The following RSPO4 variants were observed in gnomAD, a reference collection of about 807,000 sequenced individuals.
RSPO4 encodes R-spondin 4.
A neutral mutation model predicts 24.8 loss-of-function variants in RSPO4; 23 were observed. The ratio of observed to expected loss-of-function variants is 0.93; its 90% CI spans 0.67 to 1.31. The LOEUF is 1.31. Ranked by LOEUF, RSPO4 falls within the 40% of genes most tolerant of loss-of-function variation. RSPO4 has a pLI of 0.00. For synonymous variants in RSPO4, 141 were observed against 127.4 expected (o/e 1.11, Z -0.72); for missense variants, 333 against 316.5 (o/e 1.05, Z -0.39).
At chr20:1,000,466 T>C (rs1485214977) in intron 1 of RSPO4, among the ~76,000 whole-genome samples, 1 of 152,198 alleles carries the variant, frequency 6.6e-6, no homozygotes, top group Non-Finnish European at 1.5e-5. Context: ...CCTGTGTCCT[T>C]AGCTACTCAT....
rs918104535 is a variant in RSPO4, at chr20:959,413, C to G, written c.*944G>C. The G allele has an allele frequency of 6.6e-6, 1 of 152,462 alleles. No homozygotes were observed. Among genetic ancestry groups the G allele is most frequent in the African/African-American group, 2.4e-5 (1 of 41,460 alleles). The allele number at this position is 152,462 out of a possible 1,614,324, so 9.4% of individuals were successfully genotyped here. ...CCCTTCCTTCTCAGACCTGTTTCCC[C>G]ACATGGGCAGGAAGCGCTGAGGTGG... On this transcript the variant is annotated 3_prime_UTR_variant, in exon 5 of 5. Transcript: ENST00000217260.
intron 1 of RSPO4, among the ~76,000 whole-genome samples, chr20:994,806 T>C (rs1985221972): frequency 1.3e-5 from 2 of 152,274 alleles, no homozygotes; most frequent in South Asian, 4.2e-4. Context: ...TCAGGTGATC[T>C]GCCTGCCTCA....
intron 1 of RSPO4, among the ~76,000 whole-genome samples, chr20:989,578 G>A (rs1985031651): frequency 6.6e-6 from 1 of 152,160 alleles, no homozygotes; most frequent in East Asian, 1.9e-4. Flanking sequence ...TGCATGGTGG[G>A]GGTGGCAGGA....
chr20:993,353 G>A (rs1045209265), intron 1 of RSPO4, among the ~76,000 whole-genome samples: 1 of 152,242 alleles, frequency 6.6e-6, no homozygotes, highest in Non-Finnish European at 1.5e-5. Context: ...CCCATCCGGA[G>A]ATGGGAAGCA....
chr20:968,427 C>T (rs549612414), intron 1 of RSPO4, among the ~76,000 whole-genome samples: 34 of 152,294 alleles, frequency 2.2e-4, no homozygotes, highest in Non-Finnish European at 4.0e-4. Flanking sequence ...GGAATGTGAA[C>T]GATGGCTGGA....
chr20:983,537 C>T (rs546013992), intron 1 of RSPO4, among the ~76,000 whole-genome samples: 15 of 152,138 alleles, frequency 9.9e-5, no homozygotes, highest in African/African-American at 2.7e-4. Context: ...CCCTAAGGAA[C>T]CTTTGAACCC....
intron 1 of RSPO4, among the ~76,000 whole-genome samples, chr20:972,345 C>A (rs930712640): frequency 6.6e-6 from 1 of 152,238 alleles, no homozygotes; most frequent in Non-Finnish European, 1.5e-5. Context: ...GGATTACAGG[C>A]CTGAGCCACA....
At chr20:984,645 C>A (rs1369406622) in intron 1 of RSPO4, among the ~76,000 whole-genome samples, 2 of 152,174 alleles carry the variant, frequency 1.3e-5, no homozygotes, top group Non-Finnish European at 2.9e-5. Flanking sequence ...CTTCAAGGAC[C>A]CTATTCTGGG....
chr20:990,493 CCCTCCTTCTTTCCTT>C (rs2122261149), intron 1 of RSPO4, among the ~76,000 whole-genome samples: 1 of 150,004 alleles, frequency 6.7e-6, no homozygotes, highest in African/African-American at 2.5e-5. Context: ...TTCCTTCCTT[CCCTCCTTCTTTCCTT>C]CCTCCCTCCC....
chr20:983,217 T>C (rs927473960), intron 1 of RSPO4, among the ~76,000 whole-genome samples: 10 of 152,244 alleles, frequency 6.6e-5, no homozygotes, highest in Admixed American at 2.6e-4. Flanking sequence ...TGTCCCACCT[T>C]GGACTCAGAC....
At chr20:967,912 G>A (rs770636854) in intron 2 of RSPO4, 38 bp downstream of exon 2, 9 of 1,591,016 alleles carry the variant, frequency 5.7e-6, no homozygotes, top group South Asian at 1.1e-5. Flanking sequence ...GTGTCTAGGA[G>A]CCCAGCACTA....
At chr20:974,233 G>A (rs6140830) in intron 1 of RSPO4, among the ~76,000 whole-genome samples, 9,224 of 152,282 alleles carry the variant, frequency 0.061, 341 homozygotes, top group East Asian at 0.14. Context: ...ACAGAATTTT[G>A]GAAGTGTCTT....
At position 967,309 on chromosome 20, in the gene RSPO4, C is replaced by T. The variant is rs1455699389; in HGVS notation, c.274G>A (p.Gly92Arg). The change falls in exon 3 of 5, where the codon GGG becomes AGG. Residue 92 changes from glycine (G) to arginine (R), a missense_variant. Coordinates refer to ENST00000217260, the MANE Select transcript of RSPO4 (RefSeq NM_001029871.4). ...CTGAAGCAGCTCTCACAAGTGGCCC[C>T]ACATTCTGTAATAGAGCCAGGGACA... ...GQEVNRCKKC[G>R]ATCESCFSQD... is the part of the protein sequence containing the mutation. The T allele has an allele frequency of 1.2e-6, 2 of 1,613,826 alleles. No individual in the cohort carries two copies. Among genetic ancestry groups the T allele is most frequent in the Non-Finnish European group, 1.7e-6 (2 of 1,179,762 alleles).
At chr20:965,671 A>G (rs6039334) in intron 3 of RSPO4, among the ~76,000 whole-genome samples, 23,510 of 152,026 alleles carry the variant, frequency 0.15, 3,097 homozygotes, top group African/African-American at 0.36. Context: ...GAGGACAGAA[A>G]CAAATGGGTG....
chr20:964,721 CACATATATAT>C (rs1568905334), intron 3 of RSPO4, among the ~76,000 whole-genome samples: 5 of 148,928 alleles, frequency 3.4e-5, no homozygotes, highest in African/African-American at 1.2e-4. Flanking sequence ...TATATATATA[CACATATATAT>C]ACACACACAC....
intron 3 of RSPO4, 150 bp from the exon 4 acceptor site, chr20:964,270 G>A (rs776993013): frequency 1.7e-5 from 11 of 647,694 alleles, no homozygotes; most frequent in East Asian, 1.6e-4. Flanking sequence ...TTATTTATAA[G>A]AGCCTGGAAT....
intron 1 of RSPO4, among the ~76,000 whole-genome samples, chr20:992,842 C>T (rs933141340): frequency 4.6e-5 from 7 of 152,150 alleles, no homozygotes; most frequent in East Asian, 1.9e-4. Flanking sequence ...ATGTTTCATG[C>T]CTCATTTTGC....
intron 1 of RSPO4, among the ~76,000 whole-genome samples, chr20:977,915 A>G (rs1202947174): frequency 6.6e-6 from 1 of 152,214 alleles, no homozygotes; most frequent in Non-Finnish European, 1.5e-5. Flanking sequence ...GGAAATAAAA[A>G]ACATCTGGGC....
chr20:987,345 AG>A (rs1285882185), intron 1 of RSPO4, among the ~76,000 whole-genome samples: 1 of 152,120 alleles, frequency 6.6e-6, no homozygotes, highest in African/African-American at 2.4e-5. Flanking sequence ...CTTCCTAGAC[AG>A]GAAGCTTTCA....
Sources: gnomAD v4.1 joint callset for allele counts (sites outside exome capture counted in the v4.1 genomes callset) on GRCh38, gnomAD v4.1.1 for gene constraint, MANE v1.5 for transcripts, NCBI Gene and HGNC (gene_info 2026-07-23, HGNC 2026-07-21) for gene names.